Variants in TTC1 observed in about 807,000 individuals in gnomAD.
TTC1 encodes the protein tetratricopeptide repeat domain 1.
TTC1 carries 31 observed loss-of-function variants against 37.6 expected under a neutral mutation model. The observed-to-expected ratio is 0.82, with a 90% CI of 0.62 to 1.11. The LOEUF (loss-of-function observed/expected upper bound fraction) is 1.11, where lower values mean the gene tolerates loss of function less well. TTC1 is among the 50% of genes most tolerant of loss of function. The pLI is 0.00. For missense variants in TTC1, 351 were observed against 339.0 expected, an observed-to-expected ratio of 1.04 and a Z score of -0.28; for synonymous variants, 127 against 122.4, an observed-to-expected ratio of 1.04 and a Z score of -0.25.
At chr5:160,013,782 C>T (rs956271303) in intron 2 of TTC1, among the ~76,000 whole-genome samples, 9 of 151,510 alleles carry the variant, frequency 5.9e-5, no homozygotes, top group African/African-American at 1.7e-4. Flanking sequence ...CATTATGTCT[C>T]ATCTATCAGA....
intron 2 of TTC1, among the ~76,000 whole-genome samples, chr5:160,017,233 C>T (rs1756622700): frequency 6.6e-6 from 1 of 152,106 alleles, no homozygotes; most frequent in Non-Finnish European, 1.5e-5. Context: ...TGTGTTGGAG[C>T]TGCTATAACA....
Position 160,010,763 on chromosome 5 carries a change from G to A in TTC1, c.235G>A (p.Val79Ile), listed in dbSNP as rs760818093. The A allele has an allele frequency of 4.3e-6, 7 of 1,614,056 alleles. No homozygotes were observed. The highest frequency in any genetic ancestry group is 1.6e-4 in the Middle Eastern group (1 of 6,082). ...SFEEEPGADKVENKSNEDVNS... is the reference protein window; with the variant it reads ...SFEEEPGADKIENKSNEDVNS... ...TGAGGAGGAGCCAGGAGCGGACAAG[G>A]TTGAGAACAAATCTAATGAAGATGT... The change falls in exon 2 of 8, where the codon GTT becomes ATT. Residue 79 changes from valine (V) to isoleucine (I), a missense_variant. Coordinates refer to ENST00000231238, the MANE Select transcript of TTC1 (RefSeq NM_003314.3).
At chr5:160,051,285 C>A in intron 7 of TTC1, 102 bp downstream of exon 7, 1 of 922,978 alleles carries the variant, frequency 1.1e-6, no homozygotes, top group Non-Finnish European at 1.6e-6. Context: ...AAGTTTCGGA[C>A]TCTACCACAA....
At chr5:160,027,428 G>T (rs780129347) in intron 2 of TTC1, among the ~76,000 whole-genome samples, 2 of 152,112 alleles carry the variant, frequency 1.3e-5, no homozygotes, top group Non-Finnish European at 2.9e-5. Context: ...AACTATCGTT[G>T]TCATGTACAT....
rs779670391 is a variant in TTC1 at position 160,036,832 on chromosome 5, A to C, written c.504+29A>C. The C allele has an allele frequency of 2.0e-6, 3 of 1,503,182 alleles. No homozygotes were observed. The African/African-American group carries it at 4.1e-5, about 21-fold the overall frequency. The allele number at this position is 1,503,182 out of a possible 1,614,324, so 93.1% of individuals were successfully genotyped here. A position where few individuals can be genotyped will look rare whatever the true frequency, so the allele number is the denominator to read the frequency against. On this transcript the variant is annotated intron_variant, in intron 4 of 7. Transcript: ENST00000231238. ...TGTATCTGTGACCTTTTCTTTTTAA[A>C]AAGCACATGGACTTGCAGTCTTTTC... is the stretch of plus-strand genomic sequence containing the variant.
chr5:160,045,454 CCACACACACACACACACACACACACA>C (rs57919333), intron 5 of TTC1, among the ~76,000 whole-genome samples: 796 of 38,878 alleles, frequency 0.02, 12 homozygotes, highest in East Asian at 0.031. Flanking sequence ...CCCCCACCCT[CCACACACACACACACACACACACACA>C]CACACACACA....
intron 2 of TTC1, among the ~76,000 whole-genome samples, chr5:160,013,785 C>A (rs192080241): frequency 1.6e-4 from 24 of 151,626 alleles, no homozygotes; most frequent in East Asian, 1.2e-3. Context: ...TATGTCTCAT[C>A]TATCAGATCA....
chr5:160,040,567 T>G (rs1757070858), intron 4 of TTC1, among the ~76,000 whole-genome samples: 1 of 152,108 alleles, frequency 6.6e-6, no homozygotes, highest in Non-Finnish European at 1.5e-5. Context: ...TACAAAAATA[T>G]TTTCTTTATG....
At chr5:160,036,524 G>T (rs1757001763) in intron 3 of TTC1, 167 bp from the exon 4 acceptor site, 3 of 560,920 alleles carry the variant, frequency 5.3e-6, no homozygotes, top group Non-Finnish European at 9.6e-6. Flanking sequence ...AAAGAGAGAA[G>T]AAAAGAAGAA....
chr5:160,034,549 G>T (rs1055411304), intron 2 of TTC1, among the ~76,000 whole-genome samples: 2 of 151,930 alleles, frequency 1.3e-5, no homozygotes, highest in African/African-American at 4.8e-5. Flanking sequence ...AACCATGAAG[G>T]GTTCTTATAA....
intron 5 of TTC1, among the ~76,000 whole-genome samples, chr5:160,048,931 A>T (rs1381505635): frequency 7.0e-6 from 1 of 141,930 alleles, no homozygotes; most frequent in Non-Finnish European, 1.5e-5. Context: ...AGCCTGGGTG[A>T]CAGAGCGAGA....
At position 160,039,464 on chromosome 5, in the gene TTC1, AT is replaced by A. The variant is rs1327917171; in HGVS notation, c.504+2674del. Among the ~76,000 whole-genome samples the A allele has an allele frequency of 6.1e-3, 878 of 144,542 alleles. 2 individuals carry two copies. Among genetic ancestry groups the A allele is most frequent in the African/African-American group, 0.011 (450 of 39,672 alleles). The allele number at this position is 144,542 out of a possible 152,430, so 94.8% of individuals were successfully genotyped here. A position where few individuals can be genotyped will look rare whatever the true frequency, so the allele number is the denominator to read the frequency against. On this transcript the variant is annotated intron_variant, in intron 4 of 7. Coordinates refer to ENST00000231238, the MANE Select transcript of TTC1 (RefSeq NM_003314.3). ...ATTATGAAAGAATGGTAAAGTTGTG[AT>A]TTTTTTTTTTTTCCCACACACTCCA...
intron 1 of TTC1, among the ~76,000 whole-genome samples, chr5:160,009,751 T>C (rs1200417618): frequency 6.6e-6 from 1 of 152,214 alleles, no homozygotes; most frequent in Non-Finnish European, 1.5e-5. Flanking sequence ...AATGCCTGAC[T>C]CTGGCCCCCA....
At chr5:160,050,994 A>G (rs1452119080) in intron 6 of TTC1, 135 bp from the exon 7 acceptor site, 2 of 555,406 alleles carry the variant, frequency 3.6e-6, no homozygotes, top group African/African-American at 3.9e-5. Flanking sequence ...TTTTTTATTT[A>G]ATAGGATCAT....
chr5:160,016,626 G>A (rs1260799871), intron 2 of TTC1, among the ~76,000 whole-genome samples: 5 of 151,924 alleles, frequency 3.3e-5, no homozygotes, highest in Non-Finnish European at 7.4e-5. Context: ...ATGCAATTTT[G>A]TAATATTTGC....
At chr5:160,027,847 A>G (rs1756833337) in intron 2 of TTC1, among the ~76,000 whole-genome samples, 1 of 152,164 alleles carries the variant, frequency 6.6e-6, no homozygotes, top group African/African-American at 2.4e-5. Context: ...GTTCTCTTCT[A>G]TCATTTTTCT....
intron 7 of TTC1, among the ~76,000 whole-genome samples, chr5:160,062,987 A>G (rs1010843921): frequency 6.6e-6 from 1 of 152,152 alleles, no homozygotes; most frequent in African/African-American, 2.4e-5. Flanking sequence ...GCAGGCACCC[A>G]GGGTTTATGC....
At chr5:160,034,368 A>G (rs1169255050) in intron 2 of TTC1, among the ~76,000 whole-genome samples, 2 of 152,126 alleles carry the variant, frequency 1.3e-5, no homozygotes, top group Admixed American at 6.5e-5. Flanking sequence ...TTGGCCATCT[A>G]TGTGAGTTTC....
intron 4 of TTC1, 71 bp downstream of exon 4, chr5:160,036,874 C>A: frequency 1.8e-6 from 2 of 1,109,296 alleles, no homozygotes; most frequent in Non-Finnish European, 2.7e-6. Context: ...TAGTTTCTCT[C>A]CAGAAACTAG....
Sources: gnomAD v4.1 joint callset for allele counts (sites outside exome capture counted in the v4.1 genomes callset) on GRCh38, gnomAD v4.1.1 for gene constraint, MANE v1.5 for transcripts, NCBI Gene and HGNC (gene_info 2026-07-23, HGNC 2026-07-21) for gene names.